The following ABCA13 variants were observed in gnomAD, a reference collection of about 807,000 sequenced individuals.
ABCA13 encodes ATP-binding cassette sub-family A member 13.
ABCA13 carries 476 observed loss-of-function variants against 478.7 expected under a neutral mutation model. That is an observed-to-expected ratio of 0.99 (90% CI 0.92 to 1.07). The LOEUF is 1.07. ABCA13 is among the 50% of genes least tolerant of loss of function. The pLI, the probability that ABCA13 is intolerant of heterozygous loss-of-function variation, is 0.00. For missense variants in ABCA13, 6,060 were observed against 5,910.6 expected (o/e 1.03, Z -0.83); for synonymous variants, 2,252 against 2,158.9 (o/e 1.04, Z -1.20).
At chr7:48,328,045 G>T (rs1804596704) in intron 27 of ABCA13, among the ~76,000 whole-genome samples, 1 of 152,194 alleles carries the variant, frequency 6.6e-6, no homozygotes, top group Non-Finnish European at 1.5e-5. Context: ...TCATTAAACG[G>T]ACACAAAGCC....
chr7:48,222,683 C>A (rs539368540), intron 5 of ABCA13, among the ~76,000 whole-genome samples: 1 of 151,984 alleles, frequency 6.6e-6, no homozygotes, highest in African/African-American at 2.4e-5. Context: ...AAAAACATTT[C>A]GGTGCAAAGA....
intron 38 of ABCA13, among the ~76,000 whole-genome samples, chr7:48,398,592 T>A (rs1403759598): frequency 6.6e-6 from 1 of 152,190 alleles, no homozygotes; most frequent in Admixed American, 6.5e-5. Context: ...GTGTCAAGAT[T>A]CAGATCATTA....
intron 15 of ABCA13, among the ~76,000 whole-genome samples, chr7:48,264,597 T>G (rs1423953408): frequency 1.3e-5 from 2 of 151,850 alleles, no homozygotes; most frequent in Non-Finnish European, 3.0e-5. Context: ...AATTGTATAT[T>G]CAAATCTTTC....
intron 55 of ABCA13, among the ~76,000 whole-genome samples, chr7:48,559,631 G>A (rs1786238978): frequency 6.6e-6 from 1 of 152,106 alleles, no homozygotes; most frequent in Admixed American, 6.6e-5. Context: ...CTACAGCTAG[G>A]AATGTGCTGG....
intron 19 of ABCA13, among the ~76,000 whole-genome samples, chr7:48,286,666 G>A (rs1584638009): frequency 1.3e-5 from 2 of 151,808 alleles, no homozygotes; most frequent in Non-Finnish European, 2.9e-5. Flanking sequence ...CACCATGCCC[G>A]GTTAATTTTT....
chr7:48,332,145 A>G (rs1481594024), intron 27 of ABCA13, among the ~76,000 whole-genome samples: 1 of 152,092 alleles, frequency 6.6e-6, no homozygotes, highest in African/African-American at 2.4e-5. Context: ...CCATTTACAC[A>G]TTGTGGGACA....
At chr7:48,590,806 G>A (rs754327588) in intron 57 of ABCA13, among the ~76,000 whole-genome samples, 1 of 151,938 alleles carries the variant, frequency 6.6e-6, no homozygotes, top group Non-Finnish European at 1.5e-5. Flanking sequence ...GTCTGTTCAA[G>A]TTTTTTGTCT....
chr7:48,523,083 A>G (rs954226595), intron 53 of ABCA13, among the ~76,000 whole-genome samples: 3 of 152,194 alleles, frequency 2.0e-5, no homozygotes, highest in East Asian at 1.9e-4. Flanking sequence ...AATACTGCCA[A>G]CACTTCAGAT....
chr7:48,410,823 C>T, intron 40 of ABCA13, 146 bp downstream of exon 40: 1 of 1,193,858 alleles, frequency 8.4e-7, no homozygotes, highest in Non-Finnish European at 1.2e-6. Context: ...TGGCCCCAGG[C>T]CTGTGCAGGG....
At chr7:48,224,705 G>A (rs973308154) in intron 5 of ABCA13, among the ~76,000 whole-genome samples, 4 of 152,034 alleles carry the variant, frequency 2.6e-5, no homozygotes, top group South Asian at 2.1e-4. Flanking sequence ...GCACCTCCAC[G>A]AACGTCCCTC....
rs760324683 is a variant in ABCA13, at chr7:48,317,148, T to C, written c.9860-9T>C. On this transcript the variant is annotated splice_polypyrimidine_tract_variant and intron_variant, in intron 26 of 61. Transcript: ENST00000435803. ...TTAGCAACTTTTTTTTTCTTTCTAA[T>C]TGCAACAGCACCGTTTTGCTTGAAG... 3.1e-6 allele frequency: 5 copies of C among 1,604,020 alleles called. No individual in the cohort carries two copies. In the African/African-American group the frequency reaches 6.7e-5, roughly 22 times the overall value.
chr7:48,172,466 T>C lies in ABCA13; in HGVS notation c.69+914T>C, dbSNP rs558091071. ...GATGTTTTCTTTTTTATGTGATCTT[T>C]AGGATCAAAATAATTTCAGTTGAAA... On this transcript the variant is annotated intron_variant, in intron 1 of 61. Coordinates refer to ENST00000435803, the MANE Select transcript of ABCA13 (RefSeq NM_152701.5). Among the ~76,000 whole-genome samples, 90 of 152,302 alleles carry C rather than the reference T, an allele frequency of 5.9e-4. 1 individual carries two copies. Among genetic ancestry groups the C allele is most frequent in the African/African-American group, 2.0e-3 (84 of 41,570 alleles).
Position 48,644,599 on chromosome 7 carries a change from T to C in ABCA13, c.14944-18T>C, listed in dbSNP as rs939942763. On this transcript the variant is annotated intron_variant, in intron 60 of 61. Transcript: ENST00000435803. ...GCTAGTTATATGATACTTTTTTTTT[T>C]TTTTTTTTTGCTTTTAGGGACAGCA... 1.1e-5 allele frequency: 18 copies of C among 1,568,684 alleles called. 1 individual carries two copies. In the African/African-American group the frequency reaches 2.1e-4, roughly 18 times the overall value.
intron 48 of ABCA13, among the ~76,000 whole-genome samples, chr7:48,490,752 C>T (rs369763493): frequency 1.3e-5 from 2 of 152,160 alleles, no homozygotes; most frequent in African/African-American, 4.8e-5. Flanking sequence ...AGATCAAATG[C>T]TGCTTGGCTT....
intron 27 of ABCA13, among the ~76,000 whole-genome samples, chr7:48,326,619 G>C (rs889781062): frequency 6.6e-6 from 1 of 152,156 alleles, no homozygotes; most frequent in African/African-American, 2.4e-5. Context: ...TGAGTCTTAG[G>C]GGTAAGTAAC....
chr7:48,452,706 G>A (rs538901621), intron 42 of ABCA13, among the ~76,000 whole-genome samples: 44 of 152,330 alleles, frequency 2.9e-4, no homozygotes, highest in Non-Finnish European at 5.7e-4. Flanking sequence ...TGTAGGTTGT[G>A]ACATTTGGTG....
chr7:48,280,817 T>C (rs573896385), intron 18 of ABCA13, among the ~76,000 whole-genome samples: 34 of 152,336 alleles, frequency 2.2e-4, no homozygotes, highest in African/African-American at 7.7e-4. Flanking sequence ...TAACTATTGC[T>C]ACCTAGGAAT....
chr7:48,219,854 G>T (rs1359036738), intron 4 of ABCA13, among the ~76,000 whole-genome samples: 2 of 144,408 alleles, frequency 1.4e-5, no homozygotes, highest in African/African-American at 5.2e-5. Flanking sequence ...CTCTTATTCT[G>T]TTTTTAAAAT....
At chr7:48,355,292 A>C (rs748405959) in intron 31 of ABCA13, among the ~76,000 whole-genome samples, 1 of 151,960 alleles carries the variant, frequency 6.6e-6, no homozygotes, top group African/African-American at 2.4e-5. Flanking sequence ...GGGATGCAGA[A>C]GCACAAGGGG....
Sources: allele counts gnomAD v4.1 joint callset (sites outside exome capture counted in the v4.1 genomes callset), GRCh38; gene constraint gnomAD v4.1.1; transcripts MANE v1.5; gene names NCBI Gene and HGNC (gene_info 2026-07-23, HGNC 2026-07-21).